Variants in SIPA1L1 observed in about 807,000 individuals in gnomAD.
SIPA1L1 encodes the protein signal induced proliferation associated 1 like 1, also known as signal-induced proliferation-associated 1-like protein 1.
Under a neutral mutation model 162.7 loss-of-function variants are expected in SIPA1L1, and 26 were observed. That is an observed-to-expected ratio of 0.16 (90% CI 0.12 to 0.22). The LOEUF (loss-of-function observed/expected upper bound fraction) is 0.22, where lower values mean the gene tolerates loss of function less well. Among genes scored for constraint, SIPA1L1 ranks in the 10% least tolerant of loss-of-function variants. The probability of loss-of-function intolerance (pLI) is 1.00; values close to 1 mark genes in which losing one functional copy is unlikely to be tolerated. For missense variants in SIPA1L1, 1,874 were observed against 2,241.0 expected (o/e 0.84, Z 3.31); for synonymous variants, 829 against 837.4 (o/e 0.99, Z 0.17).
intron 2 of SIPA1L1, among the ~76,000 whole-genome samples, chr14:71,443,441 TC>T (rs1417495137): frequency 6.6e-6 from 1 of 152,198 alleles, no homozygotes; most frequent in Non-Finnish European, 1.5e-5. Flanking sequence ...TATTTATAGT[TC>T]CTTGTAATCC....
At chr14:71,662,265 A>T (rs2043594089) in intron 10 of SIPA1L1, among the ~76,000 whole-genome samples, 1 of 152,190 alleles carries the variant, frequency 6.6e-6, no homozygotes. Context: ...TATTTCTAGG[A>T]GTAAGGCAGA....
At chr14:71,704,724 A>G (rs758328638) in intron 15 of SIPA1L1, 1 of 1,611,608 alleles carries the variant, frequency 6.2e-7, no homozygotes, top group South Asian at 1.1e-5. Context: ...TGCTCAGCTT[A>G]CAGTTATAGA....
At chr14:71,502,361 C>A (rs1175418627) in intron 2 of SIPA1L1, among the ~76,000 whole-genome samples, 1 of 150,748 alleles carries the variant, frequency 6.6e-6, no homozygotes, top group African/African-American at 2.4e-5. Flanking sequence ...GCCTCAGCCT[C>A]CCGAGTAGCT....
At chr14:71,715,178 G>A (rs2083172887) in intron 17 of SIPA1L1, among the ~76,000 whole-genome samples, 1 of 152,244 alleles carries the variant, frequency 6.6e-6, no homozygotes, top group Non-Finnish European at 1.5e-5. Context: ...CAAGTTGGGA[G>A]AGGAACATAA....
At chr14:71,358,918 T>C (rs1594991277) in intron 2 of SIPA1L1, among the ~76,000 whole-genome samples, 1 of 152,300 alleles carries the variant, frequency 6.6e-6, no homozygotes, top group East Asian at 1.9e-4. Context: ...AAATCATTCA[T>C]GAAGGATCTA....
intron 2 of SIPA1L1, among the ~76,000 whole-genome samples, chr14:71,398,719 G>T (rs1000565325): frequency 6.6e-6 from 1 of 152,200 alleles, no homozygotes; most frequent in Admixed American, 6.5e-5. Context: ...AAAGCTAGAT[G>T]ACAGACACCA....
At chr14:71,699,344 A>G (rs2081911482) in intron 14 of SIPA1L1, among the ~76,000 whole-genome samples, 1 of 152,254 alleles carries the variant, frequency 6.6e-6, no homozygotes, top group African/African-American at 2.4e-5. Flanking sequence ...TCTACGAGGA[A>G]CTAAATGGCA....
intron 2 of SIPA1L1, among the ~76,000 whole-genome samples, chr14:71,510,014 T>G (rs186240838): frequency 1.4e-3 from 209 of 152,218 alleles, no homozygotes; most frequent in Non-Finnish European, 2.5e-3. Flanking sequence ...GCCCCCACTT[T>G]GATCTGGCCT....
At chr14:71,617,821 G>A (rs1363524261) in intron 5 of SIPA1L1, among the ~76,000 whole-genome samples, 1 of 152,134 alleles carries the variant, frequency 6.6e-6, no homozygotes, top group East Asian at 1.9e-4. Flanking sequence ...GTAATGTAAA[G>A]TAAGCATTTT....
At chr14:71,548,394 A>AT (rs1352018287) in intron 4 of SIPA1L1, among the ~76,000 whole-genome samples, 2 of 152,042 alleles carry the variant, frequency 1.3e-5, no homozygotes, top group Non-Finnish European at 2.9e-5. Flanking sequence ...TCACCAGTAG[A>AT]TTTTTTTTAT....
chr14:71,675,147 A>C (rs1207122442), intron 12 of SIPA1L1, among the ~76,000 whole-genome samples: 5 of 152,186 alleles, frequency 3.3e-5, no homozygotes, highest in Non-Finnish European at 7.3e-5. Flanking sequence ...TGCAGGCAGC[A>C]TTGGGGTAGA....
At chr14:71,434,999 CA>C (rs564484930) in intron 2 of SIPA1L1, among the ~76,000 whole-genome samples, 340 of 152,164 alleles carry the variant, frequency 2.2e-3, no homozygotes, top group African/African-American at 7.7e-3. Flanking sequence ...AAGTTGTTTC[CA>C]ATCTTTTGAT....
At position 71,699,006 on chromosome 14, in the gene SIPA1L1, G is replaced by A. The variant is rs757458420; in HGVS notation, c.3400G>A (p.Val1134Met). The A allele has an allele frequency of 1.5e-5, 24 of 1,614,172 alleles. No homozygotes were observed. The highest frequency in any genetic ancestry group is 1.9e-5 in the Non-Finnish European group (22 of 1,180,038). ...RRLSPGSDIY[V>M]TVSSMALARS... ...GCTGTCTCCTGGTTCGGACATCTAT[G>A]TGACGGTCTCATCCATGGCTTTAGC... is the stretch of plus-strand genomic sequence containing the variant. Residue 1134 changes from valine (V) to methionine (M), a missense_variant, in exon 14 of 24, where the codon GTG becomes ATG. By Grantham distance (21) the Val-to-Met change is conservative. Transcript: ENST00000381232.
intron 4 of SIPA1L1, among the ~76,000 whole-genome samples, chr14:71,558,264 TTC>T (rs1397565095): frequency 6.6e-6 from 1 of 152,178 alleles, no homozygotes; most frequent in Non-Finnish European, 1.5e-5. Context: ...AAAGAAATAC[TTC>T]TGCTTGAGTA....
At chr14:71,491,347 C>A (rs1172124335) in intron 2 of SIPA1L1, among the ~76,000 whole-genome samples, 1 of 152,060 alleles carries the variant, frequency 6.6e-6, no homozygotes, top group Non-Finnish European at 1.5e-5. Flanking sequence ...CCCCTTGAGC[C>A]CCTTCTATGT....
At chr14:71,525,077 G>C (rs1452001352) in intron 3 of SIPA1L1, among the ~76,000 whole-genome samples, 1 of 152,076 alleles carries the variant, frequency 6.6e-6, no homozygotes, top group Non-Finnish European at 1.5e-5. Context: ...GGGCTCAAGT[G>C]ATCCTCTTAC....
intron 4 of SIPA1L1, chr14:71,574,183 G>A (rs1596212072): frequency 5.8e-6 from 1 of 173,156 alleles, no homozygotes; most frequent in East Asian, 1.6e-4. Flanking sequence ...GGAGTGGAAG[G>A]GGTGGACAAC....
chr14:71,674,464 G>A (rs1488404151), intron 12 of SIPA1L1, among the ~76,000 whole-genome samples: 1 of 151,888 alleles, frequency 6.6e-6, no homozygotes, highest in African/African-American at 2.4e-5. Context: ...TAATATGCCA[G>A]GCCCTGAAAA....
intron 4 of SIPA1L1, chr14:71,573,648 CA>C (rs1567226909): frequency 4.4e-6 from 2 of 456,608 alleles, no homozygotes; most frequent in Non-Finnish European, 8.8e-6. Context: ...TATGCATTTC[CA>C]AATGTCGAAA....
Sources: allele counts gnomAD v4.1 joint callset (sites outside exome capture counted in the v4.1 genomes callset), GRCh38; gene constraint gnomAD v4.1.1; transcripts MANE v1.5; gene names NCBI Gene and HGNC (gene_info 2026-07-23, HGNC 2026-07-21).